NALCN: variants seen among roughly 807,000 people sequenced by gnomAD.
NALCN encodes sodium leak channel, non-selective.
In NALCN, 111 loss-of-function variants were observed where a neutral mutation model predicts 225.3. That is an observed-to-expected ratio of 0.49 (90% CI 0.42 to 0.58). The LOEUF (loss-of-function observed/expected upper bound fraction) is 0.58. Among genes scored for constraint, NALCN ranks in the 20% least tolerant of loss-of-function variants. The probability of loss-of-function intolerance (pLI) is 0.00; values close to 1 mark genes in which losing one functional copy is unlikely to be tolerated. For missense variants in NALCN, 1,378 were observed against 2,202.4 expected (o/e 0.63, Z 7.49); for synonymous variants, 764 against 769.0 (o/e 0.99, Z 0.11).
chr13:101,309,720 C>T (rs533200464), intron 7 of NALCN, among the ~76,000 whole-genome samples: 3 of 152,014 alleles, frequency 2.0e-5, no homozygotes, highest in Non-Finnish European at 4.4e-5. Context: ...GTATTCTTGA[C>T]AAGAATTAAG....
At chr13:101,236,046 T>C (rs2041542640) in intron 12 of NALCN, among the ~76,000 whole-genome samples, 1 of 152,202 alleles carries the variant, frequency 6.6e-6, no homozygotes, top group Non-Finnish European at 1.5e-5. Context: ...AATATCTATT[T>C]AGAAAACAAT....
chr13:101,101,144 A>G (rs2034791648), intron 26 of NALCN, among the ~76,000 whole-genome samples: 1 of 152,106 alleles, frequency 6.6e-6, no homozygotes, highest in African/African-American at 2.4e-5. Context: ...GGTATTTTTG[A>G]TATGGCTTGA....
intron 10 of NALCN, among the ~76,000 whole-genome samples, chr13:101,270,726 G>C (rs1042848476): frequency 6.6e-6 from 1 of 152,110 alleles, no homozygotes; most frequent in Non-Finnish European, 1.5e-5. Flanking sequence ...AGTGCATAAG[G>C]CATCATATTG....
intron 3 of NALCN, 74 bp downstream of exon 3, chr13:101,395,109 A>T: frequency 7.1e-7 from 1 of 1,413,700 alleles, no homozygotes; most frequent in Non-Finnish European, 9.5e-7. Context: ...GAAATGAACA[A>T]GAAAATATGA....
intron 27 of NALCN, among the ~76,000 whole-genome samples, chr13:101,099,526 G>A (rs924599688): frequency 6.6e-6 from 1 of 151,956 alleles, no homozygotes; most frequent in Non-Finnish European, 1.5e-5. Flanking sequence ...ATTTTATTGG[G>A]ATCAAAGAGA....
intron 28 of NALCN, 112 bp downstream of exon 28, chr13:101,095,462 T>C: frequency 1.2e-6 from 1 of 811,848 alleles, no homozygotes; most frequent in South Asian, 1.9e-5. Context: ...CTTAAGATCA[T>C]TTTAACATCT....
chr13:101,343,113 T>C (rs2045609226), intron 7 of NALCN, among the ~76,000 whole-genome samples: 1 of 152,180 alleles, frequency 6.6e-6, no homozygotes, highest in Non-Finnish European at 1.5e-5. Flanking sequence ...TCTAATAAAA[T>C]ATTTTATTTT....
chr13:101,192,123 G>A (rs2039706789), intron 13 of NALCN, 69 bp from the exon 14 acceptor site: 1 of 1,519,310 alleles, frequency 6.6e-7, no homozygotes, highest in East Asian at 2.4e-5. Context: ...ATTAGCATGT[G>A]ATGTTTGAAG....
At position 101,237,849 on chromosome 13, in the gene NALCN, C is replaced by A; in HGVS notation, c.1340G>T (p.Ser447Ile). 2 of 1,604,564 alleles carry A rather than the reference C, an allele frequency of 1.2e-6. No homozygotes were observed. Among genetic ancestry groups the A allele is most frequent in the South Asian group, 1.1e-5 (1 of 89,682 alleles). ...IWCLGFTGYI[S>I]SSLHKFELLL... ...TAGTTCGAATTTGTGGAGAGATGAG[C>A]TAATATATCCAGTAAATCCCAAACA... The change falls in exon 12 of 44, where the codon AGC becomes ATC. Residue 447 changes from serine (S) to isoleucine (I), a missense_variant. By Grantham distance (142) the Ser-to-Ile change is moderately radical. Coordinates refer to ENST00000251127, the MANE Select transcript of NALCN (RefSeq NM_052867.4).
intron 15 of NALCN, among the ~76,000 whole-genome samples, chr13:101,164,112 C>G (rs528739266): frequency 6.6e-6 from 1 of 152,190 alleles, no homozygotes; most frequent in Non-Finnish European, 1.5e-5. Context: ...TATTTCCAAT[C>G]AAGTTACATT....
intron 13 of NALCN, among the ~76,000 whole-genome samples, chr13:101,218,603 A>G (rs1217491554): frequency 6.6e-6 from 1 of 152,038 alleles, no homozygotes; most frequent in Non-Finnish European, 1.5e-5. Flanking sequence ...TGATTAGATT[A>G]TAGGGGTGGT....
intron 3 of NALCN, among the ~76,000 whole-genome samples, chr13:101,390,476 C>G (rs1298769872): frequency 6.6e-6 from 1 of 151,956 alleles, no homozygotes; most frequent in Non-Finnish European, 1.5e-5. Context: ...AACCATAGAT[C>G]CTGGTATAAT....
At chr13:101,360,309 C>T (rs1405417129) in intron 6 of NALCN, among the ~76,000 whole-genome samples, 1 of 151,048 alleles carries the variant, frequency 6.6e-6, no homozygotes, top group East Asian at 2.0e-4. Context: ...CGGCTCACTG[C>T]AACCTCCCTC....
At chr13:101,293,884 C>G (rs1278122494) in intron 7 of NALCN, among the ~76,000 whole-genome samples, 2 of 152,126 alleles carry the variant, frequency 1.3e-5, no homozygotes, top group South Asian at 2.1e-4. Flanking sequence ...TTTTAAAAAT[C>G]ATATTTTGTA....
intron 11 of NALCN, among the ~76,000 whole-genome samples, chr13:101,238,533 C>T (rs1304248226): frequency 6.6e-6 from 1 of 151,890 alleles, no homozygotes; most frequent in East Asian, 1.9e-4. Flanking sequence ...TAATCTCTCA[C>T]ATGCATTCTA....
chr13:101,138,062 C>T (rs1366786156), intron 17 of NALCN, among the ~76,000 whole-genome samples: 5 of 152,126 alleles, frequency 3.3e-5, no homozygotes, highest in Admixed American at 6.5e-5. Context: ...TGCTTTCTTC[C>T]TTTATCAATC....
At chr13:101,397,299 A>G (rs1240067705) in intron 2 of NALCN, among the ~76,000 whole-genome samples, 1 of 150,316 alleles carries the variant, frequency 6.7e-6, no homozygotes, top group East Asian at 1.9e-4. Flanking sequence ...TGGTTAGGGG[A>G]AAGACAAGCA....
At chr13:101,153,231 T>G (rs2037738898) in intron 15 of NALCN, among the ~76,000 whole-genome samples, 1 of 152,192 alleles carries the variant, frequency 6.6e-6, no homozygotes, top group Non-Finnish European at 1.5e-5. Flanking sequence ...ATGCCAGACG[T>G]GTAAGTGAGA....
At chr13:101,291,551 C>A (rs765639622) in intron 9 of NALCN, among the ~76,000 whole-genome samples, 4 of 151,880 alleles carry the variant, frequency 2.6e-5, no homozygotes, top group Non-Finnish European at 5.9e-5. Flanking sequence ...ATTTTATTTT[C>A]TTTTATGTTT....
Sources: allele counts gnomAD v4.1 joint callset (sites outside exome capture counted in the v4.1 genomes callset), GRCh38; gene constraint gnomAD v4.1.1; transcripts MANE v1.5; gene names NCBI Gene and HGNC (gene_info 2026-07-23, HGNC 2026-07-21).